The following DOCK1 variants were observed in gnomAD, a reference collection of about 807,000 sequenced individuals.
The protein encoded by DOCK1 is dedicator of cytokinesis protein 1.
In DOCK1, 138 loss-of-function variants were observed where a neutral mutation model predicts 262.7. The ratio of observed to expected loss-of-function variants is 0.53; its 90% CI spans 0.46 to 0.61. The LOEUF is 0.61. DOCK1 is among the 20% of genes least tolerant of loss of function. DOCK1 has a pLI of 0.00. For missense variants in DOCK1, 1,908 were observed against 2,370.7 expected (o/e 0.80, Z 4.05); for synonymous variants, 866 against 867.4 (o/e 1.00, Z 0.03).
chr10:127,381,871 A>G (rs913512034), intron 37 of DOCK1, among the ~76,000 whole-genome samples: 4 of 152,292 alleles, frequency 2.6e-5, no homozygotes, highest in South Asian at 4.1e-4. Context: ...CTCCTAGCAC[A>G]AGTCTGGCAT....
At chr10:127,339,331 G>A (rs2063325515) in intron 30 of DOCK1, among the ~76,000 whole-genome samples, 1 of 152,120 alleles carries the variant, frequency 6.6e-6, no homozygotes, top group South Asian at 2.1e-4. Context: ...GAATCAGAGT[G>A]ACAAGAAGGG....
chr10:127,054,626 GC>G lies in DOCK1; in HGVS notation c.2336+1818del, dbSNP rs947393972. On this transcript the variant is annotated intron_variant, in intron 22 of 51. Transcript: ENST00000623213. ...TAATTCTATGAAAATGAACTTCCTG[GC>G]CCCCCCTGCCTTGCTGTTATATTTT... Among the ~76,000 whole-genome samples, 5 of 152,120 alleles carry G rather than the reference GC, an allele frequency of 3.3e-5. 1 individual carries two copies. Among genetic ancestry groups the G allele is most frequent in the East Asian group, 1.9e-4 (1 of 5,178 alleles).
At chr10:126,972,648 C>T (rs898510261) in intron 2 of DOCK1, among the ~76,000 whole-genome samples, 2 of 152,058 alleles carry the variant, frequency 1.3e-5, no homozygotes, top group Admixed American at 1.3e-4. Flanking sequence ...ATCCACTTTA[C>T]AAGGAATGAA....
intron 46 of DOCK1, among the ~76,000 whole-genome samples, chr10:127,420,338 A>G (rs1325929598): frequency 6.6e-6 from 1 of 152,168 alleles, no homozygotes; most frequent in Non-Finnish European, 1.5e-5. Flanking sequence ...TAAGTGTCAG[A>G]ACCGGACGGA....
At chr10:127,215,535 GCAGGTAC>G (rs1223077373) in intron 27 of DOCK1, among the ~76,000 whole-genome samples, 2 of 152,280 alleles carry the variant, frequency 1.3e-5, no homozygotes, top group Admixed American at 1.3e-4. Flanking sequence ...GTTCCTGCTA[GCAGGTAC>G]CAATAATGAT....
intron 47 of DOCK1, among the ~76,000 whole-genome samples, chr10:127,430,183 C>T (rs1382888658): frequency 1.3e-5 from 2 of 152,148 alleles, no homozygotes; most frequent in Admixed American, 6.5e-5. Context: ...TGGGGTTCAC[C>T]CCACCATCTT....
At chr10:127,122,226 C>T (rs1267551486) in intron 25 of DOCK1, among the ~76,000 whole-genome samples, 1 of 152,088 alleles carries the variant, frequency 6.6e-6, no homozygotes, top group Non-Finnish European at 1.5e-5. Context: ...TCTTTGGGGG[C>T]CTGGGATGGG....
In DOCK1 at chr10:127,024,763, C is replaced by T. The variant is rs1456939677; in HGVS notation, c.1531C>T (p.Arg511Cys). The T allele has an allele frequency of 7.8e-5, 126 of 1,610,678 alleles. No homozygotes were observed. Among genetic ancestry groups the T allele is most frequent in the Non-Finnish European group, 1.0e-4 (120 of 1,178,508 alleles). Reference protein sequence around the residue: ...SVIYYQVKQPRWFETVKVAIP... With the variant: ...SVIYYQVKQPCWFETVKVAIP... ...GATTTACTACCAAGTAAAGCAGCCA[C>T]GCTGGTTTGAGACTGTTAAGGTATT... Residue 511 changes from arginine to cysteine, a missense_variant, in exon 15 of 52, where the codon CGC becomes TGC. By Grantham distance (180) the Arg-to-Cys change is radical. Around this residue, in one of 9 missense-constraint regions of DOCK1, gnomAD observed 294 missense variants for 439.9 expected, o/e 0.67. Transcript: ENST00000623213.
chr10:127,017,706 G>C (rs969972256), intron 12 of DOCK1, among the ~76,000 whole-genome samples: 2 of 152,214 alleles, frequency 1.3e-5, no homozygotes, highest in Non-Finnish European at 2.9e-5. Flanking sequence ...CAAGCTGAGT[G>C]GGGGGAAGCA....
At chr10:127,346,086 C>A (rs1485267176) in intron 31 of DOCK1, among the ~76,000 whole-genome samples, 1 of 152,210 alleles carries the variant, frequency 6.6e-6, no homozygotes, top group Non-Finnish European at 1.5e-5. Context: ...CCAGCGCCCG[C>A]TATTGGGTGA....
intron 5 of DOCK1, among the ~76,000 whole-genome samples, chr10:126,989,415 C>T (rs530885695): frequency 1.3e-5 from 2 of 152,272 alleles, no homozygotes; most frequent in South Asian, 4.1e-4. Context: ...CAGTCTTAAC[C>T]TCCCAGGCTC....
intron 38 of DOCK1, among the ~76,000 whole-genome samples, chr10:127,392,709 C>T (rs1348684903): frequency 6.6e-6 from 1 of 152,182 alleles, no homozygotes; most frequent in African/African-American, 2.4e-5. Context: ...TCAGACTGAG[C>T]CCCTGGGAGA....
chr10:127,438,222 T>A (rs2134705291), intron 48 of DOCK1, among the ~76,000 whole-genome samples: 1 of 152,320 alleles, frequency 6.6e-6, no homozygotes, highest in East Asian at 1.9e-4. Flanking sequence ...CATGCCAATC[T>A]TGTGTTGGAG....
Position 127,176,116 on chromosome 10 carries a change from T to C in DOCK1, c.2847+48352T>C. On this transcript the variant is annotated intron_variant, in intron 27 of 51. Transcript: ENST00000623213. The surrounding 1 kb of genome is among the most constrained non-coding windows in gnomAD (Gnocchi z 4.4). Reference sequence around the variant, plus strand: ...CTCTTGGTGACGTTGGGGATGGACCTGCGTGCGGGCACTGTCATGTATTTG... The same window carrying C: ...CTCTTGGTGACGTTGGGGATGGACCCGCGTGCGGGCACTGTCATGTATTTG... The C allele has an allele frequency of 6.2e-7, 1 of 1,614,142 alleles. No individual in the cohort carries two copies. The highest frequency in any genetic ancestry group is 2.2e-5 in the East Asian group (1 of 44,844).
intron 18 of DOCK1, among the ~76,000 whole-genome samples, chr10:127,036,732 G>A (rs1438673734): frequency 6.6e-6 from 1 of 151,970 alleles, no homozygotes; most frequent in African/African-American, 2.4e-5. Context: ...CCAGCACTTT[G>A]GGAGGCTGAG....
intron 27 of DOCK1, among the ~76,000 whole-genome samples, chr10:127,224,677 A>G (rs1174672552): frequency 6.6e-6 from 1 of 151,940 alleles, no homozygotes; most frequent in Non-Finnish European, 1.5e-5. Flanking sequence ...CTCTGATCAC[A>G]CCCCTATACT....
intron 1 of DOCK1, among the ~76,000 whole-genome samples, chr10:126,950,179 AG>A (rs1244401609): frequency 6.6e-6 from 1 of 152,084 alleles, no homozygotes; most frequent in Non-Finnish European, 1.5e-5. Context: ...TTCCATGGTA[AG>A]GGGCTAATAG....
intron 33 of DOCK1, among the ~76,000 whole-genome samples, chr10:127,373,200 T>C (rs1361843283): frequency 6.6e-6 from 1 of 152,182 alleles, no homozygotes; most frequent in Non-Finnish European, 1.5e-5. Context: ...GCTTTGGGGA[T>C]GGAGGATAGG....
chr10:127,074,507 C>T (rs1166096645), intron 23 of DOCK1, among the ~76,000 whole-genome samples: 1 of 152,208 alleles, frequency 6.6e-6, no homozygotes, highest in Non-Finnish European at 1.5e-5. Flanking sequence ...GAATGTGACA[C>T]TTTTATAATT....
Sources: gnomAD v4.1 joint callset for allele counts (sites outside exome capture counted in the v4.1 genomes callset) on GRCh38, gnomAD v4.1.1 for gene constraint, gnomAD v4.1.1 regional missense constraint, Gnocchi (gnomAD v3.1) non-coding constraint, MANE v1.5 for transcripts, NCBI Gene and HGNC (gene_info 2026-07-23, HGNC 2026-07-21) for gene names.